Variants in WDFY1 observed in about 807,000 individuals in gnomAD.
The protein encoded by WDFY1 is WD repeat and FYVE domain-containing protein 1.
In WDFY1, 32 loss-of-function variants were observed where a neutral mutation model predicts 56.4. That is an observed-to-expected ratio of 0.57 (90% CI 0.43 to 0.76). The LOEUF (loss-of-function observed/expected upper bound fraction) is 0.76. Ranked by LOEUF, WDFY1 falls within the 30% of genes least tolerant of loss-of-function variation. The pLI, the probability that WDFY1 is intolerant of heterozygous loss-of-function variation, is 0.00. For missense variants in WDFY1, 480 were observed against 545.7 expected, an observed-to-expected ratio of 0.88 and a Z score of 1.20; for synonymous variants, 192 against 197.3, an observed-to-expected ratio of 0.97 and a Z score of 0.23.
Position 223,877,095 on chromosome 2 carries a change from T to G in WDFY1, c.*1576A>C, listed in dbSNP as rs1047199836. On this transcript the variant is annotated 3_prime_UTR_variant, in exon 12 of 12. Coordinates refer to ENST00000233055, the MANE Select transcript of WDFY1 (RefSeq NM_020830.5). ...TTTCTGAAGACAAGTCTATGTTTAA[T>G]GCAGATCATTCCAGTACATGATGTG... 1 of 152,214 alleles carries G rather than the reference T, an allele frequency of 6.6e-6. No individual in the cohort carries two copies. Among genetic ancestry groups the G allele is most frequent in the Non-Finnish European group, 1.5e-5 (1 of 68,032 alleles). The allele number at this position is 152,214 out of a possible 1,614,324, so 9.4% of individuals were successfully genotyped here. A position where few individuals can be genotyped will look rare whatever the true frequency, so the allele number is the denominator to read the frequency against.
At chr2:223,935,220 T>C (rs911705494) in intron 1 of WDFY1, among the ~76,000 whole-genome samples, 2 of 152,142 alleles carry the variant, frequency 1.3e-5, no homozygotes, top group African/African-American at 4.8e-5. Context: ...TGACGCTAAG[T>C]GTCTAAATCA....
chr2:223,882,102 G>C, intron 9 of WDFY1, 30 bp from the exon 10 acceptor site: 1 of 1,603,436 alleles, frequency 6.2e-7, no homozygotes, highest in Non-Finnish European at 8.5e-7. Flanking sequence ...GAGGAAAACA[G>C]GGTGTTAGCT....
intron 10 of WDFY1, 94 bp from the exon 11 acceptor site, chr2:223,880,326 GC>G: frequency 9.1e-7 from 1 of 1,100,928 alleles, no homozygotes; most frequent in Non-Finnish European, 1.4e-6. Context: ...AGCAAATATG[GC>G]CAGGTGCAGT....
At position 223,899,063 on chromosome 2, in the gene WDFY1, A is replaced by T. The variant is rs1448683234; in HGVS notation, c.493T>A (p.Phe165Ile). ...TSWASCLQYD[F>I]DTQYAFVGDY... The stretch of plus-strand genomic sequence containing the variant: ...CCAACGAAAGCATACTGAGTGTCAA[A>T]GTCATATCTGAGGAGAAGCAGTCAA... Residue 165 changes from phenylalanine to isoleucine, a missense_variant, in exon 6 of 12, where the codon TTT (phenylalanine) becomes ATT (isoleucine). Phe to Ile is a conservative substitution (Grantham distance 21). Coordinates refer to ENST00000233055, the MANE Select transcript of WDFY1 (RefSeq NM_020830.5). The T allele has an allele frequency of 6.2e-7, 1 of 1,613,952 alleles. No homozygotes were observed. The highest frequency in any genetic ancestry group is 8.5e-7 in the Non-Finnish European group (1 of 1,179,828).
intron 3 of WDFY1, among the ~76,000 whole-genome samples, chr2:223,907,617 A>G (rs1693619693): frequency 6.6e-6 from 1 of 152,210 alleles, no homozygotes; most frequent in East Asian, 1.9e-4. Flanking sequence ...ACACTGCACC[A>G]CTGCACTATA....
At chr2:223,907,001 G>C (rs970181597) in intron 3 of WDFY1, among the ~76,000 whole-genome samples, 1 of 150,532 alleles carries the variant, frequency 6.6e-6, no homozygotes, top group Non-Finnish European at 1.5e-5. Context: ...TTGAGACAGA[G>C]TCTCGCTCTG....
At chr2:223,884,625 A>T in intron 9 of WDFY1, 23 bp downstream of exon 9, 2 of 1,607,776 alleles carry the variant, frequency 1.2e-6, no homozygotes, top group South Asian at 2.2e-5. Context: ...CAAGCCAGAG[A>T]TGACTCGACA....
intron 1 of WDFY1, among the ~76,000 whole-genome samples, chr2:223,942,227 T>TA (rs1689316782): frequency 6.6e-6 from 1 of 152,162 alleles, no homozygotes; most frequent in Admixed American, 6.5e-5. Flanking sequence ...TGCTAACTTT[T>TA]TTTTTTTTTT....
chr2:223,917,315 T>C (rs1344635797), intron 2 of WDFY1, among the ~76,000 whole-genome samples: 2 of 152,156 alleles, frequency 1.3e-5, no homozygotes, highest in African/African-American at 2.4e-5. Context: ...TTAGTGTTGA[T>C]ATCGGCTACC....
At chr2:223,915,597 G>A (rs1693773869) in intron 2 of WDFY1, among the ~76,000 whole-genome samples, 1 of 152,188 alleles carries the variant, frequency 6.6e-6, no homozygotes, top group African/African-American at 2.4e-5. Context: ...TGACCAAAAT[G>A]CTAATGATGG....
intron 1 of WDFY1, among the ~76,000 whole-genome samples, chr2:223,927,044 A>C (rs902202675): frequency 2.0e-5 from 3 of 152,174 alleles, no homozygotes; most frequent in African/African-American, 7.2e-5. Flanking sequence ...ATATTCAGTA[A>C]ACCATGCTGT....
Position 223,876,146 on chromosome 2 carries a change from G to A in WDFY1, c.*2525C>T, listed in dbSNP as rs1018371937. On this transcript the variant is annotated 3_prime_UTR_variant, in exon 12 of 12. Coordinates refer to ENST00000233055, the MANE Select transcript of WDFY1 (RefSeq NM_020830.5). The stretch of plus-strand genomic sequence containing the variant: ...TAAAACTTGTTTATAATGAAGAATC[G>A]GCATTTCCTTACCACATATATACTA... 9.2e-5 allele frequency: 14 copies of A among 152,130 alleles called. No individual in the cohort carries two copies. Among genetic ancestry groups the A allele is most frequent in the African/African-American group, 1.5e-4 (6 of 41,284 alleles). The allele number at this position is 152,130 out of a possible 1,614,324, so 9.4% of individuals were successfully genotyped here. A position where few individuals can be genotyped will look rare whatever the true frequency, so the allele number is the denominator to read the frequency against.
At chr2:223,920,569 C>A (rs1559172394) in intron 1 of WDFY1, among the ~76,000 whole-genome samples, 1 of 152,234 alleles carries the variant, frequency 6.6e-6, no homozygotes, top group Non-Finnish European at 1.5e-5. Context: ...TATGTAACCT[C>A]CAGAGCCACA....
chr2:223,943,184 T>TTA (rs1689343846), intron 1 of WDFY1, among the ~76,000 whole-genome samples: 1 of 137,184 alleles, frequency 7.3e-6, no homozygotes, highest in South Asian at 2.4e-4. Flanking sequence ...GCCTCCATCT[T>TTA]AAAAAAAAAA....
rs528996613 is a variant in WDFY1, at chr2:223,886,526, A to T, written c.832-1777T>A. Reference sequence around the variant, plus strand: ...GATTACCTGAGGTCAGGAGTTCAAGACCAGCTTGGCCAATGTAGTGAAACC... The same window carrying T: ...GATTACCTGAGGTCAGGAGTTCAAGTCCAGCTTGGCCAATGTAGTGAAACC... On this transcript the variant is annotated intron_variant, in intron 8 of 11. Coordinates refer to ENST00000233055, the MANE Select transcript of WDFY1 (RefSeq NM_020830.5). Among the ~76,000 whole-genome samples the T allele has an allele frequency of 4.6e-5, 7 of 152,116 alleles. 1 individual carries two copies. In the South Asian group the frequency reaches 1.5e-3, roughly 32 times the overall value.
At chr2:223,892,845 A>G (rs1344199888) in intron 8 of WDFY1, among the ~76,000 whole-genome samples, 2 of 152,266 alleles carry the variant, frequency 1.3e-5, no homozygotes, top group African/African-American at 2.4e-5. Context: ...TGCAATATCA[A>G]TAAGCCATTT....
intron 1 of WDFY1, among the ~76,000 whole-genome samples, chr2:223,944,665 C>T (rs1559179216): frequency 6.7e-6 from 1 of 149,174 alleles, no homozygotes. Context: ...TAGAGGGGCG[C>T]GGTGGGACGG....
chr2:223,912,389 T>TGATC (rs1693719860), intron 2 of WDFY1, 63 bp from the exon 3 acceptor site: 1 of 1,259,444 alleles, frequency 7.9e-7, no homozygotes, highest in Non-Finnish European at 1.0e-6. Flanking sequence ...TTCTTCAAAG[T>TGATC]GATTAAGAAC....
chr2:223,884,762 AAAGT>A lies in WDFY1; in HGVS notation c.832-17_832-14del. ...ACCACTGAGGAGCCTGGGGGAGCAG[AAAGT>A]CAAAGCCACCATCAGTGTGTCTATA... On this transcript the variant is annotated splice_polypyrimidine_tract_variant and intron_variant, in intron 8 of 11. Transcript: ENST00000233055. 6.2e-7 allele frequency: 1 copy of A among 1,612,646 alleles called. No homozygotes were observed. Among genetic ancestry groups the A allele is most frequent in the East Asian group, 2.2e-5 (1 of 44,862 alleles).
Sources: allele counts gnomAD v4.1 joint callset (sites outside exome capture counted in the v4.1 genomes callset), GRCh38; gene constraint gnomAD v4.1.1; transcripts MANE v1.5; gene names NCBI Gene and HGNC (gene_info 2026-07-23, HGNC 2026-07-21).